Variants in GBE1 observed in about 807,000 individuals in gnomAD.
GBE1 encodes 1,4-alpha-glucan branching enzyme 1.
In GBE1, 70 loss-of-function variants were observed where a neutral mutation model predicts 88.8. That is an observed-to-expected ratio of 0.79 (90% CI 0.65 to 0.96). GBE1 has a LOEUF of 0.96. Among genes scored for constraint, GBE1 ranks in the 40% least tolerant of loss-of-function variants. GBE1 has a pLI of 0.00. For synonymous variants in GBE1, 284 were observed against 300.1 expected, an observed-to-expected ratio of 0.95 and a Z score of 0.56; for missense variants, 872 against 871.0, an observed-to-expected ratio of 1.00 and a Z score of -0.01.
At chr3:81,527,811 A>G (rs1702962864) in intron 14 of GBE1, among the ~76,000 whole-genome samples, 1 of 152,154 alleles carries the variant, frequency 6.6e-6, no homozygotes, top group Non-Finnish European at 1.5e-5. Context: ...CAGTGTGGCG[A>G]TTCCTCAGGC....
Position 81,513,736 on chromosome 3 carries a change from AAGCTCAAACGTG to A in GBE1, c.1935-14521_1935-14510del, listed in dbSNP as rs577160518. Among the ~76,000 whole-genome samples the A allele has an allele frequency of 2.4e-3, 359 of 151,616 alleles. 2 individuals carry two copies. The highest frequency in any genetic ancestry group is 8.3e-3 in the African/African-American group (343 of 41,500). On this transcript the variant is annotated intron_variant, in intron 14 of 15. Transcript: ENST00000429644. ...ATGTCCATTACCCTTACTACTTGCT[AAGCTCAAACGTG>A]GGCGACACTGTTGTTAAGCCTTGCA...
intron 7 of GBE1, among the ~76,000 whole-genome samples, chr3:81,620,993 C>G (rs762113641): frequency 6.6e-6 from 1 of 152,134 alleles, no homozygotes; most frequent in South Asian, 2.1e-4. Flanking sequence ...TGCAGGGAGA[C>G]GCTCTCAGCA....
At chr3:81,621,255 A>G (rs879258924) in intron 7 of GBE1, among the ~76,000 whole-genome samples, 7 of 152,204 alleles carry the variant, frequency 4.6e-5, no homozygotes, top group Non-Finnish European at 1.0e-4. Context: ...TCTCAAGGTT[A>G]CCTTATAATT....
chr3:81,538,018 C>T (rs1488704461), intron 12 of GBE1, among the ~76,000 whole-genome samples: 3 of 151,930 alleles, frequency 2.0e-5, no homozygotes, highest in Admixed American at 6.6e-5. Context: ...TCAATTTCTA[C>T]TTTAAGCCTT....
chr3:81,750,611 A>ATATG (rs1553696602), intron 1 of GBE1, among the ~76,000 whole-genome samples: 1,260 of 59,440 alleles, frequency 0.021, 110 homozygotes, highest in East Asian at 0.1. Context: ...GTGTATATAT[A>ATATG]TATATGTATA....
Position 81,516,322 on chromosome 3 carries a change from T to C in GBE1, c.1935-17095A>G, listed in dbSNP as rs77474479. On this transcript the variant is annotated intron_variant, in intron 14 of 15. Transcript: ENST00000429644. ...TAAAGTCTACTCTGCTTGTGCTCTA[T>C]AAATGTAACCACAAAGCCTGGATGA... 5.0e-3 allele frequency among the ~76,000 whole-genome samples: 752 copies of C among 151,704 alleles called. 6 individuals carry two copies. Among genetic ancestry groups the C allele is most frequent in the African/African-American group, 0.017 (713 of 41,500 alleles).
chr3:81,572,425 C>T (rs1703588064), intron 12 of GBE1, among the ~76,000 whole-genome samples: 1 of 152,108 alleles, frequency 6.6e-6, no homozygotes, highest in Admixed American at 6.5e-5. Flanking sequence ...GAAAATGTTT[C>T]ACAAAATACC....
chr3:81,585,233 G>A (rs542927993), intron 10 of GBE1, among the ~76,000 whole-genome samples: 63 of 152,172 alleles, frequency 4.1e-4, no homozygotes, highest in African/African-American at 1.5e-3. Context: ...TGCCCAGGGG[G>A]ACAGGAAAGA....
chr3:81,515,274 T>G (rs374687148), intron 14 of GBE1, among the ~76,000 whole-genome samples: 1 of 151,528 alleles, frequency 6.6e-6, no homozygotes, highest in South Asian at 2.1e-4. Context: ...ATTTCAAACT[T>G]TTTCATTATT....
rs755378768 is a variant in GBE1, at chr3:81,535,228, G to A, written c.1901C>T (p.Thr634Ile). The A allele has an allele frequency of 6.2e-7, 1 of 1,611,398 alleles. No individual in the cohort carries two copies. Among genetic ancestry groups the A allele is most frequent in the South Asian group, 1.1e-5 (1 of 90,930 alleles). ...CAATGCTGTTCCAACTCGGTAGTCA[G>A]TGTAGCTCTTGCTTGGATGGAAGTT... ...IFNFHPSKSY[T>I]DYRVGTALPG... Residue 634 changes from threonine (T) to isoleucine (I), a missense_variant, in exon 14 of 16, where the codon ACT (threonine) becomes ATT (isoleucine). Thr to Ile is a moderately conservative substitution (Grantham distance 89, BLOSUM62 -1). Transcript: ENST00000429644.
intron 12 of GBE1, among the ~76,000 whole-genome samples, chr3:81,552,248 T>C (rs1703280948): frequency 6.6e-6 from 1 of 152,192 alleles, no homozygotes; most frequent in South Asian, 2.1e-4. Flanking sequence ...CTGGGCGTGG[T>C]GGCTCACGCC....
At chr3:81,657,134 C>CA (rs796897811) in intron 3 of GBE1, among the ~76,000 whole-genome samples, 10,974 of 80,934 alleles carry the variant, frequency 0.14, 782 homozygotes, top group African/African-American at 0.24. Flanking sequence ...CCAGCCGTCT[C>CA]AAAAAAAAAA....
At chr3:81,600,373 T>C (rs1704016002) in intron 7 of GBE1, among the ~76,000 whole-genome samples, 1 of 152,178 alleles carries the variant, frequency 6.6e-6, no homozygotes, top group Non-Finnish European at 1.5e-5. Flanking sequence ...CACTTAAATT[T>C]ATAATTATGT....
In GBE1 at chr3:81,579,564, T is replaced by G. The variant is rs542757722; in HGVS notation, c.1447-1468A>C. 9.8e-5 allele frequency among the ~76,000 whole-genome samples: 15 copies of G among 152,300 alleles called. No individual in the cohort carries two copies. In the South Asian group the frequency reaches 3.1e-3, roughly 32 times the overall value. On this transcript the variant is annotated intron_variant, in intron 11 of 15. Transcript: ENST00000429644. ...ATAAACATATGCTGGGAATTCACTATGTGCTGCAACTTCAAGGAGTTTGCA... is the reference window on the plus strand; with the variant it reads ...ATAAACATATGCTGGGAATTCACTAGGTGCTGCAACTTCAAGGAGTTTGCA...
At chr3:81,712,245 G>A (rs957716622) in intron 1 of GBE1, among the ~76,000 whole-genome samples, 2 of 152,276 alleles carry the variant, frequency 1.3e-5, no homozygotes, top group Middle Eastern at 3.4e-3. Flanking sequence ...ACAGAGTGGC[G>A]ATTCCCCAAG....
intron 10 of GBE1, among the ~76,000 whole-genome samples, chr3:81,583,343 G>A (rs184532097): frequency 6.6e-6 from 1 of 152,204 alleles, no homozygotes; most frequent in Non-Finnish European, 1.5e-5. Context: ...GGGAATTACT[G>A]TATGGTTCAG....
At chr3:81,735,585 T>C (rs1706247402) in intron 1 of GBE1, among the ~76,000 whole-genome samples, 1 of 152,202 alleles carries the variant, frequency 6.6e-6, no homozygotes, top group Non-Finnish European at 1.5e-5. Context: ...TCCATAAGCC[T>C]TGACTCGAAC....
At chr3:81,566,138 C>T (rs1178782256) in intron 12 of GBE1, among the ~76,000 whole-genome samples, 2 of 152,204 alleles carry the variant, frequency 1.3e-5, no homozygotes, top group Non-Finnish European at 2.9e-5. Context: ...CTCCAAAATC[C>T]TCTTGCTATG....
chr3:81,500,106 C>T (rs1702569026), intron 14 of GBE1, among the ~76,000 whole-genome samples: 1 of 152,154 alleles, frequency 6.6e-6, no homozygotes, highest in Admixed American at 6.6e-5. Flanking sequence ...CCATCATTTT[C>T]AACCCTTGAA....
Sources: gnomAD v4.1 joint callset for allele counts (sites outside exome capture counted in the v4.1 genomes callset) on GRCh38, gnomAD v4.1.1 for gene constraint, MANE v1.5 for transcripts, NCBI Gene and HGNC (gene_info 2026-07-23, HGNC 2026-07-21) for gene names.